CSNK1G3: variants seen among roughly 807,000 people sequenced by gnomAD.
CSNK1G3 encodes the protein casein kinase 1 gamma 3.
A neutral mutation model predicts 64.3 loss-of-function variants in CSNK1G3; 23 were observed. The observed-to-expected ratio is 0.36, with a 90% CI of 0.26 to 0.51. The LOEUF is 0.51. Among genes scored for constraint, CSNK1G3 ranks in the 20% least tolerant of loss-of-function variants. CSNK1G3 has a pLI of 0.96. For synonymous variants in CSNK1G3, 158 were observed against 162.2 expected, an observed-to-expected ratio of 0.97 and a Z score of 0.20; for missense variants, 357 against 510.5, an observed-to-expected ratio of 0.70 and a Z score of 2.90.
intron 3 of CSNK1G3, among the ~76,000 whole-genome samples, chr5:123,556,322 C>T (rs1276351051): frequency 6.6e-6 from 1 of 151,942 alleles, no homozygotes; most frequent in Non-Finnish European, 1.5e-5. Flanking sequence ...GGTTGTTAAC[C>T]TCATCAATTC....
chr5:123,526,839 A>ATT (rs34685432), intron 1 of CSNK1G3, among the ~76,000 whole-genome samples: 1 of 109,738 alleles, frequency 9.1e-6, no homozygotes, highest in Non-Finnish European at 1.9e-5. Context: ...TCATGTACAG[A>ATT]TTGTGTGTGT....
At chr5:123,602,077 C>T (rs1187860325) in intron 10 of CSNK1G3, among the ~76,000 whole-genome samples, 1 of 151,930 alleles carries the variant, frequency 6.6e-6, no homozygotes, top group East Asian at 1.9e-4. Context: ...AAAAAATTTA[C>T]AGTTCAATAG....
intron 1 of CSNK1G3, among the ~76,000 whole-genome samples, chr5:123,526,358 A>AT (rs1009675431): frequency 1.4e-4 from 21 of 151,616 alleles, no homozygotes; most frequent in Admixed American, 2.6e-4. Flanking sequence ...CTAGAAATCA[A>AT]TTTTTTTTTA....
chr5:123,530,214 A>G (rs951871581), intron 1 of CSNK1G3, among the ~76,000 whole-genome samples: 2 of 152,188 alleles, frequency 1.3e-5, no homozygotes, highest in South Asian at 2.1e-4. Flanking sequence ...GAAGGCATAA[A>G]AAGACATTTT....
intron 1 of CSNK1G3, among the ~76,000 whole-genome samples, chr5:123,513,691 T>G (rs943344068): frequency 4.6e-5 from 7 of 152,200 alleles, no homozygotes; most frequent in Non-Finnish European, 1.0e-4. Flanking sequence ...TAAGATGGGA[T>G]ATAAAATGAA....
In CSNK1G3 at chr5:123,577,281, GC is replaced by G. The variant is rs1789359138; in HGVS notation, c.673+1320del. ...AATGGTATTTAGAAACCAAGATTTG[GC>G]CACTGGATATGCTCATTACTGTGGT... On this transcript the variant is annotated intron_variant, in intron 6 of 12. Transcript: ENST00000345990. 3.3e-5 allele frequency among the ~76,000 whole-genome samples: 5 copies of G among 152,032 alleles called. No individual in the cohort carries two copies. In the South Asian group the frequency reaches 1.0e-3, roughly 32 times the overall value.
intron 6 of CSNK1G3, among the ~76,000 whole-genome samples, chr5:123,581,094 T>A (rs919584496): frequency 3.3e-5 from 5 of 151,866 alleles, no homozygotes; most frequent in African/African-American, 1.2e-4. Flanking sequence ...ACACAGCTTT[T>A]TTGCAGTTTA....
chr5:123,572,387 T>A (rs796192109), intron 4 of CSNK1G3, among the ~76,000 whole-genome samples: 27 of 152,342 alleles, frequency 1.8e-4, no homozygotes, highest in African/African-American at 6.3e-4. Flanking sequence ...TATTCAGACT[T>A]CATATTTGGA....
At chr5:123,614,445 G>C in exon 13 of CSNK1G3, 2 of 1,547,700 alleles carry the variant, frequency 1.3e-6, no homozygotes, top group Non-Finnish European at 1.8e-6. Flanking sequence ...TTCATCTGCT[G>C]TCTTGTGATT....
intron 2 of CSNK1G3, among the ~76,000 whole-genome samples, chr5:123,549,658 G>T (rs1164024931): frequency 6.6e-6 from 1 of 152,176 alleles, no homozygotes; most frequent in Non-Finnish European, 1.5e-5. Flanking sequence ...CACTCCGCTT[G>T]CTCTTGTTTT....
intron 4 of CSNK1G3, among the ~76,000 whole-genome samples, chr5:123,569,033 T>G (rs552510265): frequency 3.3e-4 from 51 of 152,326 alleles, no homozygotes; most frequent in Non-Finnish European, 5.1e-4. Context: ...GCAATTACAT[T>G]TGCACCAAGC....
intron 10 of CSNK1G3, among the ~76,000 whole-genome samples, chr5:123,593,664 G>A (rs1272859175): frequency 6.6e-6 from 1 of 152,044 alleles, no homozygotes; most frequent in Non-Finnish European, 1.5e-5. Flanking sequence ...TTCAACTTAA[G>A]CTACAAATCT....
intron 12 of CSNK1G3, among the ~76,000 whole-genome samples, chr5:123,611,046 C>T (rs760597175): frequency 4.6e-5 from 7 of 152,082 alleles, no homozygotes; most frequent in Non-Finnish European, 1.0e-4. Flanking sequence ...CAATAGTGTG[C>T]TCAAGTGGCT....
chr5:123,555,956 G>C (rs184722291), intron 3 of CSNK1G3, among the ~76,000 whole-genome samples: 5 of 152,188 alleles, frequency 3.3e-5, no homozygotes, highest in African/African-American at 1.2e-4. Flanking sequence ...ACTGTTTTAA[G>C]TACTTTATAT....
At chr5:123,573,451 G>A (rs749572102) in exon 5 of CSNK1G3, 2 of 1,613,912 alleles carry the variant, frequency 1.2e-6, no homozygotes, top group Non-Finnish European at 1.7e-6. Context: ...CTATGGTGCT[G>A]GAACTGCTGG....
chr5:123,594,937 AT>A (rs1793141713), intron 10 of CSNK1G3, 101 bp from the exon 11 acceptor site: 2 of 892,560 alleles, frequency 2.2e-6, no homozygotes, highest in East Asian at 5.5e-5. Context: ...GGTATTTTAA[AT>A]TTCCTTTTAT....
rs562737527 is a variant in CSNK1G3, at chr5:123,568,843, A to G, written c.290-4550A>G. On this transcript the variant is annotated intron_variant, in intron 4 of 12. Transcript: ENST00000345990. ...TGAACTCGAATAAGAAAATCACTCA[A>G]ATTTGCTTTTTGTCTAACATCATTT... 2.0e-5 allele frequency among the ~76,000 whole-genome samples: 3 copies of G among 152,342 alleles called. No homozygotes were observed. The South Asian group carries it at 6.2e-4, about 32-fold the overall frequency.
At chr5:123,579,080 G>A (rs929481693) in intron 6 of CSNK1G3, among the ~76,000 whole-genome samples, 1 of 151,746 alleles carries the variant, frequency 6.6e-6, no homozygotes, top group Non-Finnish European at 1.5e-5. Flanking sequence ...GAATCTTGGA[G>A]GTCGTCTAAT....
At chr5:123,517,345 A>T (rs1777353613) in intron 1 of CSNK1G3, among the ~76,000 whole-genome samples, 1 of 152,168 alleles carries the variant, frequency 6.6e-6, no homozygotes, top group South Asian at 2.1e-4. Flanking sequence ...GTTTGTACCC[A>T]ACACACTGTT....
Sources: gnomAD v4.1 joint callset for allele counts (sites outside exome capture counted in the v4.1 genomes callset) on GRCh38, gnomAD v4.1.1 for gene constraint, MANE v1.5 for transcripts, NCBI Gene and HGNC (gene_info 2026-07-23, HGNC 2026-07-21) for gene names.